MGAT4C: variants seen among roughly 807,000 people sequenced by gnomAD.
MGAT4C encodes MGAT4 family member C.
Under a neutral mutation model 40.1 loss-of-function variants are expected in MGAT4C, and 19 were observed. The observed-to-expected ratio is 0.47, with a 90% CI of 0.33 to 0.70. The LOEUF (loss-of-function observed/expected upper bound fraction) is 0.70. MGAT4C is among the 30% of genes least tolerant of loss of function. The pLI is 0.02. For synonymous variants in MGAT4C, 181 were observed against 187.1 expected (o/e 0.97, Z 0.27); for missense variants, 491 against 563.2 (o/e 0.87, Z 1.30).
chr12:86,161,420 G>T (rs1885575189), intron 1 of MGAT4C, among the ~76,000 whole-genome samples: 1 of 152,014 alleles, frequency 6.6e-6, no homozygotes, highest in African/African-American at 2.4e-5. Context: ...GAATCTCTAT[G>T]CAATAAATGG....
intron 1 of MGAT4C, among the ~76,000 whole-genome samples, chr12:86,781,811 C>T (rs1329887397): frequency 6.6e-6 from 1 of 151,976 alleles, no homozygotes; most frequent in Admixed American, 6.6e-5. Flanking sequence ...GGATAATTTC[C>T]ATAGTTGTGG....
intron 2 of MGAT4C, among the ~76,000 whole-genome samples, chr12:86,509,405 G>A (rs1009545826): frequency 5.3e-5 from 8 of 152,126 alleles, no homozygotes; most frequent in African/African-American, 1.4e-4. Flanking sequence ...GCTCTGTTCT[G>A]TTCCATTGAT....
intron 4 of MGAT4C, among the ~76,000 whole-genome samples, chr12:86,301,700 GT>G (rs1217908272): frequency 6.6e-6 from 1 of 152,090 alleles, no homozygotes; most frequent in Non-Finnish European, 1.5e-5. Context: ...GTTATAAACT[GT>G]TTCTACTGTA....
At chr12:86,341,990 G>A (rs1420069468) in intron 3 of MGAT4C, among the ~76,000 whole-genome samples, 1 of 152,166 alleles carries the variant, frequency 6.6e-6, no homozygotes, top group Non-Finnish European at 1.5e-5. Context: ...GCGCAGCAGA[G>A]CTGATTTACC....
At chr12:86,547,581 T>C (rs1484945207) in intron 2 of MGAT4C, among the ~76,000 whole-genome samples, 1 of 152,246 alleles carries the variant, frequency 6.6e-6, no homozygotes, top group East Asian at 1.9e-4. Flanking sequence ...CAATTTAAGC[T>C]TGTATCTGTT....
intron 2 of MGAT4C, among the ~76,000 whole-genome samples, chr12:86,680,983 T>G (rs935599082): frequency 6.6e-6 from 1 of 151,976 alleles, no homozygotes; most frequent in Non-Finnish European, 1.5e-5. Flanking sequence ...GGGACTATTG[T>G]GCATTCTGTT....
intron 2 of MGAT4C, among the ~76,000 whole-genome samples, chr12:86,589,423 C>A (rs1961221926): frequency 6.6e-6 from 1 of 151,990 alleles, no homozygotes; most frequent in South Asian, 2.1e-4. Flanking sequence ...ACCTTACCAA[C>A]CAAAAAGAGT....
At chr12:86,562,889 G>T (rs1287029615) in intron 2 of MGAT4C, among the ~76,000 whole-genome samples, 2 of 152,128 alleles carry the variant, frequency 1.3e-5, no homozygotes, top group Non-Finnish European at 2.9e-5. Flanking sequence ...GTTCCAGCTA[G>T]GGGAGTTTAA....
intron 2 of MGAT4C, among the ~76,000 whole-genome samples, chr12:86,581,523 C>T (rs1296348042): frequency 4.0e-5 from 6 of 151,374 alleles, no homozygotes; most frequent in Non-Finnish European, 7.4e-5. Flanking sequence ...TAATTCACAG[C>T]ACTGCTTCTC....
intron 2 of MGAT4C, among the ~76,000 whole-genome samples, chr12:86,644,831 T>C (rs1963491938): frequency 1.3e-5 from 2 of 151,862 alleles, no homozygotes; most frequent in South Asian, 4.1e-4. Context: ...ATATATGGTA[T>C]AAAAAGTCAC....
chr12:86,622,989 T>C (rs1267317706), intron 2 of MGAT4C, among the ~76,000 whole-genome samples: 1 of 152,074 alleles, frequency 6.6e-6, no homozygotes, highest in East Asian at 1.9e-4. Context: ...ATGTCTCAAG[T>C]GAAAACTACT....
chr12:86,772,015 C>T (rs1951648492), intron 1 of MGAT4C, among the ~76,000 whole-genome samples: 2 of 151,926 alleles, frequency 1.3e-5, no homozygotes, highest in Non-Finnish European at 2.9e-5. Context: ...AATTGCTAAA[C>T]AAAAAGGAAG....
intron 1 of MGAT4C, among the ~76,000 whole-genome samples, chr12:86,748,540 A>G (rs1297343719): frequency 2.0e-5 from 3 of 151,762 alleles, no homozygotes; most frequent in Non-Finnish European, 1.5e-5. Context: ...GCCATGTATA[A>G]GAAGAGGAGG....
intron 1 of MGAT4C, among the ~76,000 whole-genome samples, chr12:86,059,284 C>T (rs1038893800): frequency 9.2e-5 from 14 of 152,146 alleles, no homozygotes; most frequent in Non-Finnish European, 1.5e-4. Flanking sequence ...TCAAGTGATC[C>T]GCCTGCCTCT....
intron 2 of MGAT4C, among the ~76,000 whole-genome samples, chr12:86,476,020 A>G (rs983919676): frequency 2.0e-5 from 3 of 152,060 alleles, no homozygotes; most frequent in Non-Finnish European, 4.4e-5. Context: ...TCACACATCC[A>G]TCACCTTCCA....
At chr12:86,609,791 G>GAA (rs5799786) in intron 2 of MGAT4C, among the ~76,000 whole-genome samples, 116 of 146,294 alleles carry the variant, frequency 7.9e-4, no homozygotes, top group African/African-American at 2.8e-3. Flanking sequence ...GGCACTACCA[G>GAA]AAAAAAAAAA....
chr12:86,671,338 A>G (rs1964251019), intron 2 of MGAT4C, among the ~76,000 whole-genome samples: 1 of 152,140 alleles, frequency 6.6e-6, no homozygotes, highest in African/African-American at 2.4e-5. Flanking sequence ...TTTTTTTTCT[A>G]AATGGGAAAA....
intron 3 of MGAT4C, among the ~76,000 whole-genome samples, chr12:86,377,973 T>A (rs1318461221): frequency 6.6e-6 from 1 of 152,208 alleles, no homozygotes. Context: ...TGCCCCTTTG[T>A]GACTGGTTTA....
At chr12:86,784,939 A>C (rs1951906899) in intron 1 of MGAT4C, among the ~76,000 whole-genome samples, 1 of 152,038 alleles carries the variant, frequency 6.6e-6, no homozygotes, top group Non-Finnish European at 1.5e-5. Flanking sequence ...AAACCATATC[A>C]GTTTCATATC....
Sources: gnomAD v4.1 joint callset for allele counts (sites outside exome capture counted in the v4.1 genomes callset) on GRCh38, gnomAD v4.1.1 for gene constraint, MANE v1.5 for transcripts, NCBI Gene and HGNC (gene_info 2026-07-23, HGNC 2026-07-21) for gene names.